The following MMRN1 variants were observed in gnomAD, a reference collection of about 807,000 sequenced individuals.
The protein encoded by MMRN1 is multimerin-1.
A neutral mutation model predicts 100.7 loss-of-function variants in MMRN1; 94 were observed. The ratio of observed to expected loss-of-function variants is 0.93; its 90% confidence interval spans 0.79 to 1.11. The LOEUF is 1.11. Among genes scored for constraint, MMRN1 ranks in the 50% least tolerant of loss-of-function variants. MMRN1 has a pLI of 0.00. For missense variants in MMRN1, 1,606 were observed against 1,439.1 expected (o/e 1.12, Z -1.88); for synonymous variants, 575 against 505.0 (o/e 1.14, Z -1.86).
At chr4:89,951,433 A>T (rs542622420) in intron 6 of MMRN1, 172 bp from the exon 7 acceptor site, 1 of 516,872 alleles carries the variant, frequency 1.9e-6, no homozygotes, top group East Asian at 3.4e-5. Context: ...ATCAGAGCTA[A>T]GGGATTTGCA....
intron 3 of MMRN1, among the ~76,000 whole-genome samples, chr4:89,921,545 A>G (rs1722088810): frequency 6.6e-6 from 1 of 152,146 alleles, no homozygotes; most frequent in South Asian, 2.1e-4. Context: ...ACACTATAAT[A>G]ACCTTATTGC....
chr4:89,938,226 A>G (rs762061121), intron 6 of MMRN1, among the ~76,000 whole-genome samples: 42 of 151,736 alleles, frequency 2.8e-4, no homozygotes, highest in Non-Finnish European at 4.1e-4. Flanking sequence ...CCCCAGAGTA[A>G]TCTGACCTAA....
At position 89,951,650 on chromosome 4, in the gene MMRN1, C is replaced by A. The variant is rs754049453; in HGVS notation, c.3164C>A (p.Thr1055Lys). 4 of 1,562,962 alleles carry A rather than the reference C, an allele frequency of 2.6e-6. No homozygotes were observed. Among genetic ancestry groups the A allele is most frequent in the Non-Finnish European group, 2.6e-6 (3 of 1,160,008 alleles). ...CSRHPCQNGGTCINGRTSFTC... is the reference protein window; with the variant it reads ...CSRHPCQNGGKCINGRTSFTC... ...CGGCATCCGTGCCAAAATGGGGGCA[C>A]GTGCATAAATGGAAGAACTAGCTTT... Residue 1055 changes from threonine to lysine, a missense_variant, in exon 7 of 8, where the codon ACG becomes AAG. Coordinates refer to ENST00000264790, the MANE Select transcript of MMRN1 (RefSeq NM_007351.3).
intron 1 of MMRN1, among the ~76,000 whole-genome samples, chr4:89,897,457 C>CCT (rs1721245038): frequency 6.6e-6 from 1 of 152,092 alleles, no homozygotes; most frequent in Non-Finnish European, 1.5e-5. Context: ...ATCCACCCAC[C>CCT]TCAGCCTCCC....
chr4:89,887,763 A>G (rs1720968594), intron 1 of MMRN1, among the ~76,000 whole-genome samples: 1 of 151,956 alleles, frequency 6.6e-6, no homozygotes, highest in African/African-American at 2.4e-5. Flanking sequence ...TCTACTTATA[A>G]CTGTGTAATT....
At position 89,953,504 on chromosome 4, in the gene MMRN1, G is replaced by T. The variant is rs1418632469; in HGVS notation, c.*86G>T. On this transcript the variant is annotated 3_prime_UTR_variant, in exon 8 of 8. Transcript: ENST00000264790. The stretch of plus-strand genomic sequence containing the variant: ...TTGCTTGCACATCTGCTCTGTTTTG[G>T]TTTTTCTACAGGAAATGAAAATCAA... The T allele has an allele frequency of 4.0e-6, 5 of 1,263,246 alleles. No individual in the cohort carries two copies. Among genetic ancestry groups the T allele is most frequent in the Admixed American group, 5.6e-5 (2 of 35,778 alleles). The allele number at this position is 1,263,246 out of a possible 1,614,324, so 78.3% of individuals were successfully genotyped here.
intron 5 of MMRN1, among the ~76,000 whole-genome samples, chr4:89,931,944 C>T (rs1722453677): frequency 6.6e-6 from 1 of 152,154 alleles, no homozygotes; most frequent in Non-Finnish European, 1.5e-5. Context: ...ATCATGCCTT[C>T]CCAACAGTCC....
chr4:89,891,906 A>C (rs914176137), upstream of MMRN1, among the ~76,000 whole-genome samples: 1 of 152,016 alleles, frequency 6.6e-6, no homozygotes, highest in African/African-American at 2.4e-5. Context: ...ACATTTTACA[A>C]AGAATAAGTC....
At chr4:89,912,157 C>A in intron 3 of MMRN1, 107 bp downstream of exon 3, 1 of 695,478 alleles carries the variant, frequency 1.4e-6, no homozygotes, top group Non-Finnish European at 2.3e-6. Context: ...AACATGTAGC[C>A]AAACTCCTAG....
chr4:89,922,832 T>A (rs1722133000), intron 3 of MMRN1, among the ~76,000 whole-genome samples: 1 of 152,212 alleles, frequency 6.6e-6, no homozygotes, highest in Admixed American at 6.5e-5. Flanking sequence ...CTATAGCTTT[T>A]AACACAGCGG....
chr4:89,882,530 T>C (rs1397031192), intron 1 of MMRN1, among the ~76,000 whole-genome samples: 2 of 151,890 alleles, frequency 1.3e-5, no homozygotes, highest in African/African-American at 2.4e-5. Context: ...TTTGCATTTT[T>C]TTCCTCCATT....
At chr4:89,932,416 A>C (rs1023646606) in intron 5 of MMRN1, among the ~76,000 whole-genome samples, 1 of 152,202 alleles carries the variant, frequency 6.6e-6, no homozygotes, top group East Asian at 1.9e-4. Flanking sequence ...TCTGCAGGAG[A>C]GTAGCCCTCT....
chr4:89,924,641 G>A (rs1008447870), intron 4 of MMRN1, among the ~76,000 whole-genome samples: 3 of 151,466 alleles, frequency 2.0e-5, no homozygotes, highest in Admixed American at 1.3e-4. Context: ...TGAGAAGATC[G>A]AAAACATCCT....
chr4:89,921,506 G>A (rs1722087486), intron 3 of MMRN1, among the ~76,000 whole-genome samples: 1 of 152,080 alleles, frequency 6.6e-6, no homozygotes, highest in Non-Finnish European at 1.5e-5. Context: ...TGATTAAATG[G>A]TTGTATCTGT....
intron 5 of MMRN1, among the ~76,000 whole-genome samples, chr4:89,929,335 G>A (rs1186658289): frequency 6.6e-6 from 1 of 152,078 alleles, no homozygotes; most frequent in Admixed American, 6.6e-5. Flanking sequence ...CAGTATGGAT[G>A]CTTACATAGC....
rs1354016639 is a variant in MMRN1, at chr4:89,895,087, T to C, written c.116T>C (p.Met39Thr). ...IPEDGNSQKTMPSASVPPNKI... is the reference protein window; with the variant it reads ...IPEDGNSQKTTPSASVPPNKI... ...GAGGATGGGAACTCTCAGAAGACTA[T>C]GCCTTCTGCTTCAGTTCCTCCAAAT... The change falls in exon 1 of 8, where the codon ATG becomes ACG. Residue 39 changes from methionine to threonine, a missense_variant. Transcript: ENST00000264790. 2 of 1,613,780 alleles carry C rather than the reference T, an allele frequency of 1.2e-6. No homozygotes were observed. The highest frequency in any genetic ancestry group is 1.3e-5 in the African/African-American group (1 of 74,908).
rs1169548406 is a variant in MMRN1 at position 89,954,585 on chromosome 4, A to G, written c.*1167A>G. 2.0e-5 allele frequency: 3 copies of G among 152,192 alleles called. No homozygotes were observed. The highest frequency in any genetic ancestry group is 4.4e-5 in the Non-Finnish European group (3 of 68,036). The allele number at this position is 152,192 out of a possible 1,614,324, so 9.4% of individuals were successfully genotyped here. ...ACGTGTTTCTGAAAAACAGATTTTC[A>G]TAAGTAATAATAAAAATAATAATAA... On this transcript the variant is annotated 3_prime_UTR_variant, in exon 8 of 8. Coordinates refer to ENST00000264790, the MANE Select transcript of MMRN1 (RefSeq NM_007351.3).
intron 6 of MMRN1, among the ~76,000 whole-genome samples, chr4:89,949,619 G>A (rs530672959): frequency 4.6e-5 from 7 of 152,236 alleles, no homozygotes; most frequent in Middle Eastern, 3.4e-3. Flanking sequence ...TTAGCCAGTC[G>A]AAATATTTGT....
At position 89,935,247 on chromosome 4, in the gene MMRN1, A is replaced by C; in HGVS notation, c.1567A>C (p.Thr523Pro). 6.2e-7 allele frequency: 1 copy of C among 1,613,764 alleles called. No individual in the cohort carries two copies. The highest frequency in any genetic ancestry group is 8.5e-7 in the Non-Finnish European group (1 of 1,179,778). The change falls in exon 6 of 8, where the codon ACT becomes CCT. Residue 523 changes from threonine (T) to proline (P), a missense_variant. Coordinates refer to ENST00000264790, the MANE Select transcript of MMRN1 (RefSeq NM_007351.3). ...GGAAGTACATGAGCAGCTTTTATCA[A>C]CTGAACAGGTATCAGACCAGAAGAA... ...LKEVHEQLLS[T>P]EQVSDQKNAP...
Sources: gnomAD v4.1 joint callset for allele counts (sites outside exome capture counted in the v4.1 genomes callset) on GRCh38, gnomAD v4.1.1 for gene constraint, MANE v1.5 for transcripts, NCBI Gene and HGNC (gene_info 2026-07-23, HGNC 2026-07-21) for gene names.